Variants in EIF2AK1 observed in about 807,000 individuals in gnomAD.
The protein encoded by EIF2AK1 is eukaryotic translation initiation factor 2-alpha kinase 1.
In EIF2AK1, 54 loss-of-function variants were observed where a neutral mutation model predicts 77.9. That is an observed-to-expected ratio of 0.69 (90% CI 0.56 to 0.87). The LOEUF (loss-of-function observed/expected upper bound fraction) is 0.87, where lower values mean the gene tolerates loss of function less well. Ranked by LOEUF, EIF2AK1 falls within the 40% of genes least tolerant of loss-of-function variation. The pLI is 0.00. For missense variants in EIF2AK1, 810 were observed against 768.6 expected (o/e 1.05, Z -0.64); for synonymous variants, 314 against 290.5 (o/e 1.08, Z -0.82).
Position 6,026,756 on chromosome 7 carries a change from T to C in EIF2AK1, c.1736A>G (p.Gln579Arg), listed in dbSNP as rs556139344. 21 of 1,614,200 alleles carry C rather than the reference T, an allele frequency of 1.3e-5. No homozygotes were observed. The South Asian group carries it at 1.9e-4, about 14-fold the overall frequency. The change falls in exon 14 of 15, where the codon CAG (glutamine) becomes CGG (arginine). Residue 579 changes from glutamine (Q) to arginine (R), a missense_variant. Gln to Arg is a conservative substitution (Grantham distance 43). This residue lies in a region of EIF2AK1 where 549 missense variants were observed against 533.7 expected (regional missense o/e 1.03). Coordinates refer to ENST00000199389, the MANE Select transcript of EIF2AK1 (RefSeq NM_014413.4). ...TCCAGAATTTTGGAAAAGTTCACTC[T>C]GCAGCAGCTGAATGGCAGATGGTCT... ...SQRPSAIQLL[Q>R]SELFQNSGNV...
chr7:6,028,593 G>A, intron 13 of EIF2AK1, 22 bp downstream of exon 13: 3 of 1,610,740 alleles, frequency 1.9e-6, no homozygotes, highest in Non-Finnish European at 2.5e-6. Context: ...TGAATGAAAG[G>A]GCAGAAAGCA....
chr7:6,034,017 G>A (rs1562744947), intron 11 of EIF2AK1, among the ~76,000 whole-genome samples: 1 of 151,190 alleles, frequency 6.6e-6, no homozygotes, highest in Non-Finnish European at 1.5e-5. Flanking sequence ...CCGAGTGAAT[G>A]AAAGAATTAA....
At chr7:6,048,769 C>T in intron 4 of EIF2AK1, 38 bp downstream of exon 4, 1 of 1,479,314 alleles carries the variant, frequency 6.8e-7, no homozygotes, top group Non-Finnish European at 9.2e-7. Context: ...GATTTCTTTT[C>T]AATAGTCTGC....
At chr7:6,041,956 C>T (rs1381051686) in intron 8 of EIF2AK1, among the ~76,000 whole-genome samples, 2 of 151,826 alleles carry the variant, frequency 1.3e-5, no homozygotes, top group East Asian at 1.9e-4. Flanking sequence ...CAACACTAGC[C>T]TGAACAGCAT....
chr7:6,045,358 C>A (rs992348068), intron 6 of EIF2AK1, among the ~76,000 whole-genome samples: 1 of 152,024 alleles, frequency 6.6e-6, no homozygotes, highest in Non-Finnish European at 1.5e-5. Context: ...TGCCTGCCTT[C>A]GCCTCCCAAA....
intron 1 of EIF2AK1, among the ~76,000 whole-genome samples, chr7:6,056,840 T>G (rs1443343532): frequency 6.6e-6 from 1 of 151,702 alleles, no homozygotes; most frequent in Non-Finnish European, 1.5e-5. Context: ...ACTTTTCCTA[T>G]GACATAACAC....
At chr7:6,052,975 A>C (rs1460370951) in intron 2 of EIF2AK1, among the ~76,000 whole-genome samples, 1 of 152,120 alleles carries the variant, frequency 6.6e-6, no homozygotes, top group Non-Finnish European at 1.5e-5. Flanking sequence ...GAAAAAAAAA[A>C]ATTGTGAGCA....
chr7:6,046,350 A>C, intron 5 of EIF2AK1, 199 bp from the exon 6 acceptor site: 1 of 344,898 alleles, frequency 2.9e-6, no homozygotes, highest in Non-Finnish European at 5.2e-6. Context: ...AGCTCCTAAG[A>C]AGCTCTAGGC....
In EIF2AK1 at chr7:6,033,519, G is replaced by C. The variant is rs902293045; in HGVS notation, c.1332+3905C>G. On this transcript the variant is annotated intron_variant, in intron 11 of 14. Coordinates refer to ENST00000199389, the MANE Select transcript of EIF2AK1 (RefSeq NM_014413.4). This position sits in a 1 kb window ranked among gnomAD's most constrained non-coding sequence, Gnocchi z 4.4. ...GGAATGCAGTAAAGTCCTTGCCATGGCCTTCAATAAGTTTAACCACCAAAG... is the reference window on the plus strand; with the variant it reads ...GGAATGCAGTAAAGTCCTTGCCATGCCCTTCAATAAGTTTAACCACCAAAG... Among the ~76,000 whole-genome samples the C allele has an allele frequency of 6.6e-6, 1 of 152,244 alleles. No homozygotes were observed. Among genetic ancestry groups the C allele is most frequent in the Middle Eastern group, 3.4e-3 (1 of 294 alleles).
chr7:6,028,793 C>A lies in EIF2AK1; in HGVS notation c.1448-96G>T, dbSNP rs928593858. ...GGAAGCAGTGTAGCTCCTAAGAGAA[C>A]AACAGTTGCTTTGTATCTTTATCTT... On this transcript the variant is annotated intron_variant, in intron 12 of 14. Transcript: ENST00000199389. 2.8e-6 allele frequency: 4 copies of A among 1,418,320 alleles called. No individual in the cohort carries two copies. In the African/African-American group the frequency reaches 4.2e-5, roughly 15 times the overall value. The allele number at this position is 1,418,320 out of a possible 1,614,324, so 87.9% of individuals were successfully genotyped here.
At chr7:6,053,640 G>A (rs1449513604) in intron 2 of EIF2AK1, among the ~76,000 whole-genome samples, 2 of 151,262 alleles carry the variant, frequency 1.3e-5, no homozygotes, top group East Asian at 3.9e-4. Flanking sequence ...TGGGATTACA[G>A]GCGTGAGCCA....
chr7:6,059,135 C>G lies in EIF2AK1; in HGVS notation c.-52G>C. The G allele has an allele frequency of 1.7e-6, 2 of 1,207,392 alleles. No homozygotes were observed. Among genetic ancestry groups the G allele is most frequent in the Non-Finnish European group, 2.2e-6 (2 of 928,396 alleles). The allele number at this position is 1,207,392 out of a possible 1,614,324, so 74.8% of individuals were successfully genotyped here. A position where few individuals can be genotyped will look rare whatever the true frequency, so the allele number is the denominator to read the frequency against. ...AGCCCGCCGGCCAGCCCAGCACTGC[C>G]ACACTCCGATGCTGCAGCTAGCGCC... On this transcript the variant is annotated 5_prime_UTR_variant, in exon 1 of 15. Coordinates refer to ENST00000199389, the MANE Select transcript of EIF2AK1 (RefSeq NM_014413.4).
Position 6,024,555 on chromosome 7 carries a change from C to A in EIF2AK1, c.*118G>T. On this transcript the variant is annotated 3_prime_UTR_variant, in exon 15 of 15. Coordinates refer to ENST00000199389, the MANE Select transcript of EIF2AK1 (RefSeq NM_014413.4). ...GGAACGGCAGCTTGGGGCACTCTGACATCTTTAACAAGTCTTGTAAAGGCT... is the reference window on the plus strand; with the variant it reads ...GGAACGGCAGCTTGGGGCACTCTGAAATCTTTAACAAGTCTTGTAAAGGCT... 6.6e-7 allele frequency: 1 copy of A among 1,521,738 alleles called. No homozygotes were observed. Among genetic ancestry groups the A allele is most frequent in the Non-Finnish European group, 8.8e-7 (1 of 1,142,256 alleles). 94.3% of individuals were successfully genotyped at this position (1,521,738 alleles called of 1,614,324 possible).
Position 6,036,456 on chromosome 7 carries a change from TC to T in EIF2AK1, c.1332+967del. On this transcript the variant is annotated intron_variant, in intron 11 of 14. Coordinates refer to ENST00000199389, the MANE Select transcript of EIF2AK1 (RefSeq NM_014413.4). The surrounding 1 kb of genome is among the most constrained non-coding windows in gnomAD (Gnocchi z 4.6). ...AAACTGCATTTTCTGGCTAGACATGTCCCAGAAAATGCTTCACCTATCACCT... is the reference window on the plus strand; with the variant it reads ...AAACTGCATTTTCTGGCTAGACATGTCCAGAAAATGCTTCACCTATCACCT... 1 of 1,143,644 alleles carries T rather than the reference TC, an allele frequency of 8.7e-7. No homozygotes were observed. The highest frequency in any genetic ancestry group is 1.2e-6 in the Non-Finnish European group (1 of 845,858). 70.8% of individuals were successfully genotyped at this position (1,143,644 alleles called of 1,614,324 possible). A position where few individuals can be genotyped will look rare whatever the true frequency, so the allele number is the denominator to read the frequency against.
At chr7:6,029,711 G>A (rs965306149) in intron 11 of EIF2AK1, among the ~76,000 whole-genome samples, 1 of 151,924 alleles carries the variant, frequency 6.6e-6, no homozygotes, top group African/African-American at 2.4e-5. Flanking sequence ...GGCCGGGCAC[G>A]GTGGCTCACA....
intron 4 of EIF2AK1, chr7:6,047,332 A>G (rs1010898700): frequency 1.7e-5 from 10 of 578,052 alleles, no homozygotes; most frequent in African/African-American, 1.5e-4. Context: ...CAGAAATCCT[A>G]AGAATCACTA....
intron 4 of EIF2AK1, 139 bp downstream of exon 4, chr7:6,048,668 G>T (rs1473248082): frequency 1.5e-6 from 1 of 665,018 alleles, no homozygotes; most frequent in Non-Finnish European, 2.5e-6. Flanking sequence ...TCTCAGAGCA[G>T]TACTTAATTG....
Position 6,040,965 on chromosome 7 carries a change from G to A in EIF2AK1, c.1046C>T (p.Ser349Phe). Residue 349 changes from serine (S) to phenylalanine (F), a missense_variant, in exon 9 of 15, where the codon TCC (serine) becomes TTC (phenylalanine). By Grantham distance (155) the Ser-to-Phe change is radical (BLOSUM62 -2). This residue lies in a region of EIF2AK1 where 549 missense variants were observed against 533.7 expected (regional missense o/e 1.03). Coordinates refer to ENST00000199389, the MANE Select transcript of EIF2AK1 (RefSeq NM_014413.4). Reference sequence around the variant, plus strand: ...GGATGTGAAACTCTCCTCTAGGTGGGAATTACGCCTGAGTGGCAGCTGCTG... The same window carrying A: ...GGATGTGAAACTCTCCTCTAGGTGGAAATTACGCCTGAGTGGCAGCTGCTG... Reference protein sequence around the residue: ...VEQQLPLRRNSHLEESFTSTE... With the variant: ...VEQQLPLRRNFHLEESFTSTE... 2 of 1,614,142 alleles carry A rather than the reference G, an allele frequency of 1.2e-6. No homozygotes were observed. Among genetic ancestry groups the A allele is most frequent in the Non-Finnish European group, 1.7e-6 (2 of 1,180,020 alleles).
At chr7:6,049,272 C>T (rs147948265) in intron 3 of EIF2AK1, among the ~76,000 whole-genome samples, 4,768 of 152,224 alleles carry the variant, frequency 0.031, 111 homozygotes, top group Non-Finnish European at 0.049. Context: ...AGGTAGGGCG[C>T]GGTGGCTCAC....
Sources: allele counts gnomAD v4.1 joint callset (sites outside exome capture counted in the v4.1 genomes callset), GRCh38; gene constraint gnomAD v4.1.1; regional missense constraint gnomAD v4.1.1; non-coding constraint Gnocchi (gnomAD v3.1); transcripts MANE v1.5; gene names NCBI Gene and HGNC (gene_info 2026-07-23, HGNC 2026-07-21).